Variants in EXOC6B observed in about 807,000 individuals in gnomAD.
The protein encoded by EXOC6B is SEC15 homolog B.
Under a neutral mutation model 113.5 loss-of-function variants are expected in EXOC6B, and 54 were observed. The observed-to-expected ratio is 0.48, with a 90% CI of 0.38 to 0.60. The LOEUF (loss-of-function observed/expected upper bound fraction) is 0.60. EXOC6B is among the 20% of genes least tolerant of loss of function. The probability of loss-of-function intolerance (pLI) is 0.00; values close to 1 mark genes in which losing one functional copy is unlikely to be tolerated. For synonymous variants in EXOC6B, 357 were observed against 339.0 expected (o/e 1.05, Z -0.58); for missense variants, 797 against 977.5 (o/e 0.82, Z 2.46).
In EXOC6B at chr2:72,513,264, G is replaced by GA; in HGVS notation, c.1047-13dup. On this transcript the variant is annotated splice_polypyrimidine_tract_variant and intron_variant, in intron 10 of 21. Coordinates refer to ENST00000272427, the MANE Select transcript of EXOC6B (RefSeq NM_015189.3). ...CAACCACAAAAAAGCTAAGATTGAG[G>GA]AAAAAAGAAAGCACAGCTGTCAGAA... 1 of 1,609,444 alleles carries GA rather than the reference G, an allele frequency of 6.2e-7. No homozygotes were observed. The highest frequency in any genetic ancestry group is 1.1e-5 in the South Asian group (1 of 90,344).
intron 20 of EXOC6B, among the ~76,000 whole-genome samples, chr2:72,265,647 C>T (rs1255433299): frequency 6.6e-6 from 1 of 151,512 alleles, no homozygotes; most frequent in Non-Finnish European, 1.5e-5. Context: ...TTAATCCAGT[C>T]TATCATTGTT....
chr2:72,359,936 C>T (rs1304277310), intron 19 of EXOC6B, among the ~76,000 whole-genome samples: 1 of 152,062 alleles, frequency 6.6e-6, no homozygotes, highest in Non-Finnish European at 1.5e-5. Flanking sequence ...GTTCTCTTGC[C>T]ATGTGACATG....
chr2:72,532,244 C>G (rs1298127737), intron 8 of EXOC6B, among the ~76,000 whole-genome samples: 1 of 152,098 alleles, frequency 6.6e-6, no homozygotes, highest in Non-Finnish European at 1.5e-5. Flanking sequence ...CCTCTAAACA[C>G]TAGAAAAATG....
intron 18 of EXOC6B, among the ~76,000 whole-genome samples, chr2:72,441,574 C>T (rs1016308169): frequency 5.9e-5 from 9 of 151,986 alleles, no homozygotes; most frequent in African/African-American, 1.9e-4. Context: ...CCACTAAACC[C>T]GCAGAAATAC....
At chr2:72,444,703 C>G (rs965762686) in intron 18 of EXOC6B, among the ~76,000 whole-genome samples, 1 of 152,224 alleles carries the variant, frequency 6.6e-6, no homozygotes, top group Non-Finnish European at 1.5e-5. Context: ...AAAGCCAGGG[C>G]CTGAGCTGTA....
At chr2:72,767,629 G>A (rs1003517190) in intron 1 of EXOC6B, among the ~76,000 whole-genome samples, 4 of 150,600 alleles carry the variant, frequency 2.7e-5, no homozygotes, top group African/African-American at 9.8e-5. Context: ...GGGAAACACG[G>A]CAAAACCCCA....
At chr2:72,675,603 G>A (rs1676239990) in intron 6 of EXOC6B, among the ~76,000 whole-genome samples, 1 of 152,056 alleles carries the variant, frequency 6.6e-6, no homozygotes, top group Non-Finnish European at 1.5e-5. Context: ...GACCAGCCTG[G>A]GAAACATGGC....
intron 16 of EXOC6B, among the ~76,000 whole-genome samples, chr2:72,482,710 C>T (rs1359133626): frequency 6.6e-6 from 1 of 152,120 alleles, no homozygotes; most frequent in Non-Finnish European, 1.5e-5. Flanking sequence ...TCTACATCAT[C>T]CAGCACAGGA....
At chr2:72,468,747 C>T (rs900995140) in intron 17 of EXOC6B, among the ~76,000 whole-genome samples, 3 of 152,050 alleles carry the variant, frequency 2.0e-5, no homozygotes, top group Non-Finnish European at 4.4e-5. Flanking sequence ...GAAATTCTAA[C>T]GATGTTAATT....
At chr2:72,444,340 G>A (rs778396485) in intron 18 of EXOC6B, among the ~76,000 whole-genome samples, 5 of 152,128 alleles carry the variant, frequency 3.3e-5, no homozygotes, top group African/African-American at 1.2e-4. Flanking sequence ...CTGCTCTCAC[G>A]GGCTGATATT....
intron 18 of EXOC6B, among the ~76,000 whole-genome samples, chr2:72,445,222 T>C (rs1573134739): frequency 6.6e-6 from 1 of 152,130 alleles, no homozygotes; most frequent in East Asian, 1.9e-4. Context: ...ATTGCTCCAG[T>C]TCCCAACAAG....
At chr2:72,313,183 CAG>C (rs1339406183) in intron 20 of EXOC6B, among the ~76,000 whole-genome samples, 1 of 151,808 alleles carries the variant, frequency 6.6e-6, no homozygotes, top group Non-Finnish European at 1.5e-5. Flanking sequence ...AGGAACAACA[CAG>C]AGAGGAACAA....
chr2:72,390,785 C>T (rs1040139293), intron 18 of EXOC6B, among the ~76,000 whole-genome samples: 2 of 152,116 alleles, frequency 1.3e-5, no homozygotes, highest in Admixed American at 6.5e-5. Flanking sequence ...TGAACATCCC[C>T]ACCCCCATCT....
chr2:72,796,199 T>A (rs959551133), intron 1 of EXOC6B, among the ~76,000 whole-genome samples: 2 of 150,690 alleles, frequency 1.3e-5, no homozygotes, highest in African/African-American at 4.9e-5. Flanking sequence ...ACGCCTGTAA[T>A]CCCAGCACTT....
chr2:72,614,741 A>C (rs1435560189), intron 6 of EXOC6B, among the ~76,000 whole-genome samples: 1 of 152,204 alleles, frequency 6.6e-6, no homozygotes, highest in Admixed American at 6.5e-5. Flanking sequence ...ACTACTGCAG[A>C]ACTACAAGGA....
At chr2:72,538,978 A>C (rs963409057) in intron 8 of EXOC6B, among the ~76,000 whole-genome samples, 1 of 152,184 alleles carries the variant, frequency 6.6e-6, no homozygotes, top group Non-Finnish European at 1.5e-5. Flanking sequence ...CTCAGATCAC[A>C]GCCAGAGGAG....
chr2:72,801,712 GT>G (rs1298621478), intron 1 of EXOC6B, among the ~76,000 whole-genome samples: 2 of 152,170 alleles, frequency 1.3e-5, no homozygotes, highest in African/African-American at 4.8e-5. Context: ...AAGGGGTACT[GT>G]AGAACTAAGG....
At chr2:72,746,595 G>C (rs1226165040) in intron 1 of EXOC6B, among the ~76,000 whole-genome samples, 1 of 151,922 alleles carries the variant, frequency 6.6e-6, no homozygotes, top group Non-Finnish European at 1.5e-5. Context: ...CCATTCACCT[G>C]TACCAAACCA....
Position 72,679,640 on chromosome 2 carries a change from A to T in EXOC6B, c.669+38463T>A, listed in dbSNP as rs1224004497. 2.6e-5 allele frequency among the ~76,000 whole-genome samples: 4 copies of T among 152,338 alleles called. No homozygotes were observed. In the East Asian group the frequency reaches 7.7e-4, roughly 29 times the overall value. On this transcript the variant is annotated intron_variant, in intron 6 of 21. Transcript: ENST00000272427. ...GCATAAAGTTGTAAAATGAATTGGG[A>T]GGAGGTAACAGAAAAAGCAAAGTGT... is the stretch of plus-strand genomic sequence containing the variant.
Sources: gnomAD v4.1 joint callset for allele counts (sites outside exome capture counted in the v4.1 genomes callset) on GRCh38, gnomAD v4.1.1 for gene constraint, MANE v1.5 for transcripts, NCBI Gene and HGNC (gene_info 2026-07-23, HGNC 2026-07-21) for gene names.